The following SDK1 variants were observed in gnomAD, a reference collection of about 807,000 sequenced individuals.
SDK1 encodes sidekick cell adhesion molecule 1, also known as protein sidekick-1.
In SDK1, 157 loss-of-function variants were observed where a neutral mutation model predicts 245.5. The observed-to-expected ratio is 0.64, with a 90% CI of 0.56 to 0.73. The LOEUF (loss-of-function observed/expected upper bound fraction) is 0.73. Among genes scored for constraint, SDK1 ranks in the 30% least tolerant of loss-of-function variants. The pLI is 0.00. For missense variants in SDK1, 3,583 were observed against 3,002.3 expected, an observed-to-expected ratio of 1.19 and a Z score of -4.52; for synonymous variants, 1,647 against 1,278.5, an observed-to-expected ratio of 1.29 and a Z score of -6.15.
At chr7:3,652,432 G>A (rs759155625) in intron 4 of SDK1, among the ~76,000 whole-genome samples, 2 of 152,212 alleles carry the variant, frequency 1.3e-5, no homozygotes, top group African/African-American at 2.4e-5. Flanking sequence ...GGTGGCATGC[G>A]GTGGCCCCTC....
intron 4 of SDK1, among the ~76,000 whole-genome samples, chr7:3,687,289 C>T (rs1562371550): frequency 6.6e-6 from 1 of 151,990 alleles, no homozygotes; most frequent in Non-Finnish European, 1.5e-5. Flanking sequence ...TCACCACACC[C>T]AGCTAATTTT....
chr7:3,772,528 T>C (rs1308363616), intron 4 of SDK1, among the ~76,000 whole-genome samples: 1 of 152,230 alleles, frequency 6.6e-6, no homozygotes, highest in African/African-American at 2.4e-5. Flanking sequence ...AAAGTTACAA[T>C]GATACTAGCT....
intron 2 of SDK1, among the ~76,000 whole-genome samples, chr7:3,634,073 T>C (rs544888391): frequency 2.0e-5 from 3 of 152,250 alleles, no homozygotes; most frequent in Admixed American, 2.0e-4. Flanking sequence ...AGCAAATGTG[T>C]CTAATTGGCC....
intron 2 of SDK1, among the ~76,000 whole-genome samples, chr7:3,631,641 T>A (rs1367302800): frequency 1.3e-5 from 2 of 152,380 alleles, no homozygotes; most frequent in Non-Finnish European, 1.5e-5. Context: ...TCAGTTTGAC[T>A]GCTTTTTGGA....
intron 5 of SDK1, among the ~76,000 whole-genome samples, chr7:3,822,460 C>T (rs1165519458): frequency 2.0e-5 from 3 of 152,044 alleles, no homozygotes; most frequent in African/African-American, 7.2e-5. Flanking sequence ...GAATCGTTTC[C>T]CCTGCAAGTG....
rs1477207993 is a variant in SDK1 at position 4,265,841 on chromosome 7, C to A, written c.*457C>A. ...AACCAGCGGCTCACACCCTTCTCAA[C>A]GCAGGACATCCTCGGCGGCTCCTGG... On this transcript the variant is annotated 3_prime_UTR_variant, in exon 45 of 45. Coordinates refer to ENST00000404826, the MANE Select transcript of SDK1 (RefSeq NM_152744.4). The A allele has an allele frequency of 1.0e-6, 1 of 992,188 alleles. No individual in the cohort carries two copies. Among genetic ancestry groups the A allele is most frequent in the Non-Finnish European group, 1.2e-6 (1 of 835,012 alleles). The allele number at this position is 992,188 out of a possible 1,614,324, so 61.5% of individuals were successfully genotyped here.
At chr7:3,682,126 A>C (rs1562367512) in intron 4 of SDK1, among the ~76,000 whole-genome samples, 1 of 152,212 alleles carries the variant, frequency 6.6e-6, no homozygotes, top group African/African-American at 2.4e-5. Flanking sequence ...GATGCTAAAA[A>C]TTACACATCA....
chr7:3,984,421 A>G (rs2128138180), intron 13 of SDK1, among the ~76,000 whole-genome samples: 1 of 152,286 alleles, frequency 6.6e-6, no homozygotes, highest in South Asian at 2.1e-4. Flanking sequence ...AAGAGGCCGC[A>G]TTTTCACCTC....
chr7:3,412,173 T>C (rs1779228951), intron 1 of SDK1, among the ~76,000 whole-genome samples: 1 of 152,268 alleles, frequency 6.6e-6, no homozygotes, highest in Admixed American at 6.5e-5. Flanking sequence ...TTAATACATT[T>C]ATATGGCTCA....
intron 1 of SDK1, among the ~76,000 whole-genome samples, chr7:3,380,498 T>A (rs1583772387): frequency 6.6e-6 from 1 of 152,208 alleles, no homozygotes; most frequent in African/African-American, 2.4e-5. Flanking sequence ...TGACAATATG[T>A]GTTTGAGGAA....
chr7:3,901,798 G>A (rs1781799702), intron 5 of SDK1, among the ~76,000 whole-genome samples: 1 of 152,168 alleles, frequency 6.6e-6, no homozygotes, highest in Non-Finnish European at 1.5e-5. Flanking sequence ...GTCTTCTTCT[G>A]TAAGGAACTC....
intron 1 of SDK1, among the ~76,000 whole-genome samples, chr7:3,416,089 C>G (rs975880063): frequency 3.3e-5 from 5 of 152,172 alleles, no homozygotes; most frequent in African/African-American, 9.7e-5. Flanking sequence ...TCATTGCTGT[C>G]TCCTTTAAAG....
chr7:3,967,623 T>C (rs1168027071), intron 10 of SDK1, among the ~76,000 whole-genome samples, 189 bp downstream of exon 10: 3 of 152,222 alleles, frequency 2.0e-5, no homozygotes, highest in Admixed American at 1.3e-4. Context: ...AGAGAATTTC[T>C]CCATGGTCTC....
At chr7:3,380,197 G>T (rs1781450696) in intron 1 of SDK1, among the ~76,000 whole-genome samples, 1 of 151,976 alleles carries the variant, frequency 6.6e-6, no homozygotes, top group African/African-American at 2.4e-5. Flanking sequence ...TGTAAATGCA[G>T]AGTTTGTCAC....
intron 1 of SDK1, among the ~76,000 whole-genome samples, chr7:3,418,938 T>G (rs1331456814): frequency 6.6e-6 from 1 of 152,190 alleles, no homozygotes; most frequent in East Asian, 1.9e-4. Context: ...CTCTAGGCAG[T>G]GAGGTAGCTT....
chr7:3,695,809 A>G (rs905647644), intron 4 of SDK1, among the ~76,000 whole-genome samples: 3 of 152,212 alleles, frequency 2.0e-5, no homozygotes, highest in Admixed American at 1.3e-4. Context: ...TATGTGCAGT[A>G]GAGGGCAGAG....
At chr7:3,652,516 G>A (rs1472395964) in intron 4 of SDK1, among the ~76,000 whole-genome samples, 3 of 152,236 alleles carry the variant, frequency 2.0e-5, no homozygotes, top group African/African-American at 4.8e-5. Flanking sequence ...TGGTAAACGT[G>A]CTTGTGGAAA....
At chr7:4,036,634 C>T (rs539112592) in intron 17 of SDK1, among the ~76,000 whole-genome samples, 1 of 152,196 alleles carries the variant, frequency 6.6e-6, no homozygotes, top group African/African-American at 2.4e-5. Context: ...ATTGTAACCC[C>T]CAGGAGATGG....
At chr7:3,644,243 TTATATATA>T (rs66881824) in intron 4 of SDK1, among the ~76,000 whole-genome samples, 2 of 145,288 alleles carry the variant, frequency 1.4e-5, no homozygotes, top group Admixed American at 6.9e-5. Context: ...GAACAAAAAT[TTATATATA>T]TATATATATA....
Sources: allele counts gnomAD v4.1 joint callset (sites outside exome capture counted in the v4.1 genomes callset), GRCh38; gene constraint gnomAD v4.1.1; transcripts MANE v1.5; gene names NCBI Gene and HGNC (gene_info 2026-07-23, HGNC 2026-07-21).